ADAM22: variants seen among roughly 807,000 people sequenced by gnomAD.
The protein encoded by ADAM22 is disintegrin and metalloproteinase domain-containing protein 22.
In ADAM22, 65 loss-of-function variants were observed where a neutral mutation model predicts 144.6. That is an observed-to-expected ratio of 0.45 (90% CI 0.37 to 0.55). ADAM22 has a LOEUF of 0.55. ADAM22 is among the 20% of genes least tolerant of loss of function. The pLI is 0.00. For missense variants in ADAM22, 974 were observed against 1,184.9 expected (o/e 0.82, Z 2.61); for synonymous variants, 391 against 412.6 (o/e 0.95, Z 0.63).
At chr7:87,960,930 C>A (rs1584631750) in intron 2 of ADAM22, among the ~76,000 whole-genome samples, 1 of 152,094 alleles carries the variant, frequency 6.6e-6, no homozygotes. Flanking sequence ...CTTTGGGATA[C>A]ATCAGTGAAT....
intron 30 of ADAM22, 61 bp downstream of exon 30, chr7:88,186,762 A>C: frequency 5.8e-6 from 6 of 1,034,600 alleles, no homozygotes; most frequent in Non-Finnish European, 9.0e-6. Context: ...CAAATACTGT[A>C]GTGTGACTGG....
chr7:88,044,794 C>T lies in ADAM22; in HGVS notation c.324-30832C>T, dbSNP rs546890064. Among the ~76,000 whole-genome samples the T allele has an allele frequency of 2.6e-4, 40 of 151,704 alleles. No individual in the cohort carries two copies. The South Asian group carries it at 5.0e-3, about 19-fold the overall frequency. On this transcript the variant is annotated intron_variant, in intron 3 of 31. Transcript: ENST00000413139. ...AGGCTGGAGTGCAGTGGCGCGATCT[C>T]GGCTCACTGCAACCTCTGCCTCCTG...
Position 87,935,113 on chromosome 7 carries a change from G to A in ADAM22, c.173G>A (p.Arg58His), listed in dbSNP as rs1840903947. The change falls in exon 2 of 32, where the codon CGC (arginine) becomes CAC (histidine). Residue 58 changes from arginine to histidine, a missense_variant. Arg to His is a conservative substitution (Grantham distance 29). Coordinates refer to ENST00000413139, the MANE Select transcript of ADAM22 (RefSeq NM_001324418.2). ...QSIVPLRLIY[R>H]SGGEDESRHD... Reference sequence around the variant, plus strand: ...ATCGTGCCACTGCGCCTCATCTACCGCTCGGGCGGCGAAGACGAAAGTCGG... The same window carrying A: ...ATCGTGCCACTGCGCCTCATCTACCACTCGGGCGGCGAAGACGAAAGTCGG... 4 of 1,613,670 alleles carry A rather than the reference G, an allele frequency of 2.5e-6. No homozygotes were observed. The highest frequency in any genetic ancestry group is 2.5e-6 in the Non-Finnish European group (3 of 1,179,954).
chr7:87,934,335 G>A lies in ADAM22; in HGVS notation c.-131G>A, dbSNP rs945895065. ...CGGTGGAGGTTGCAGCGCCACGGCC[G>A]CCGCAGCACCGGCCGGGGCTGGGTG... On this transcript the variant is annotated 5_prime_UTR_variant, in exon 1 of 32. Coordinates refer to ENST00000413139, the MANE Select transcript of ADAM22 (RefSeq NM_001324418.2). 3.3e-5 allele frequency: 25 copies of A among 762,896 alleles called. No individual in the cohort carries two copies. The highest frequency in any genetic ancestry group is 4.8e-5 in the Non-Finnish European group (24 of 504,036). 47.3% of individuals were successfully genotyped at this position (762,896 alleles called of 1,614,324 possible). A position where few individuals can be genotyped will look rare whatever the true frequency, so the allele number is the denominator to read the frequency against.
At chr7:87,996,322 T>A (rs888139975) in intron 3 of ADAM22, among the ~76,000 whole-genome samples, 1 of 152,204 alleles carries the variant, frequency 6.6e-6, no homozygotes, top group Non-Finnish European at 1.5e-5. Flanking sequence ...TCCTTACAGA[T>A]CCAAAGGCTG....
intron 6 of ADAM22, 117 bp downstream of exon 6, chr7:88,114,764 T>A: frequency 1.1e-6 from 1 of 883,640 alleles, no homozygotes; most frequent in Non-Finnish European, 1.7e-6. Context: ...GTTAAGATAG[T>A]AAACATATGT....
chr7:88,027,873 C>A (rs1156742573), intron 3 of ADAM22, among the ~76,000 whole-genome samples: 1 of 151,868 alleles, frequency 6.6e-6, no homozygotes, highest in Non-Finnish European at 1.5e-5. Flanking sequence ...CTCACTGCAA[C>A]CCTACCTCCC....
In ADAM22 at chr7:88,121,838, C is replaced by T. The variant is rs191674438; in HGVS notation, c.608-3751C>T. 2.0e-3 allele frequency among the ~76,000 whole-genome samples: 307 copies of T among 152,270 alleles called. 2 individuals carry two copies. Among genetic ancestry groups the T allele is most frequent in the Middle Eastern group, 0.017 (5 of 294 alleles). On this transcript the variant is annotated intron_variant, in intron 7 of 31. Coordinates refer to ENST00000413139, the MANE Select transcript of ADAM22 (RefSeq NM_001324418.2). ...ATTAGAAATGAGTCACAGAGTCCAG[C>T]CTTCTCTCAAGGGAATGAGATTATA...
rs146984976 is a variant in ADAM22, at chr7:87,940,700, G to A, written c.246+5514G>A. ...TCAAAGTAATTATATTTGACTGTGG[G>A]TAGCCTTGCTATCTTCAAAGTTGTT... On this transcript the variant is annotated intron_variant, in intron 2 of 31. Transcript: ENST00000413139. 8.2e-3 allele frequency among the ~76,000 whole-genome samples: 1,241 copies of A among 152,262 alleles called. 11 individuals are homozygous for A. Among genetic ancestry groups the A allele is most frequent in the Middle Eastern group, 0.051 (15 of 294 alleles).
intron 3 of ADAM22, among the ~76,000 whole-genome samples, chr7:88,041,999 A>G (rs549339174): frequency 7.2e-5 from 11 of 152,168 alleles, no homozygotes; most frequent in East Asian, 1.9e-4. Context: ...ACCTGTTTCT[A>G]TGTAAATATA....
chr7:87,986,434 T>C (rs1255191458), intron 3 of ADAM22, among the ~76,000 whole-genome samples: 2 of 152,094 alleles, frequency 1.3e-5, no homozygotes, highest in Non-Finnish European at 2.9e-5. Context: ...GGCAAAGAGC[T>C]AGAGAATGAT....
chr7:88,128,717 G>A (rs753133590), intron 9 of ADAM22, 41 bp downstream of exon 9: 8 of 1,529,962 alleles, frequency 5.2e-6, no homozygotes. Context: ...TGTGCCTAGG[G>A]TAAAACTGGT....
chr7:88,118,352 A>G (rs1202695650), intron 7 of ADAM22, among the ~76,000 whole-genome samples: 1 of 152,186 alleles, frequency 6.6e-6, no homozygotes, highest in Non-Finnish European at 1.5e-5. Flanking sequence ...TCCTGCTGCC[A>G]GAGGGATAGA....
At chr7:88,015,348 C>T (rs1796328796) in intron 3 of ADAM22, among the ~76,000 whole-genome samples, 1 of 152,142 alleles carries the variant, frequency 6.6e-6, no homozygotes, top group Non-Finnish European at 1.5e-5. Flanking sequence ...ATAATTACCC[C>T]ACTTCATGCC....
At chr7:88,020,086 A>G (rs1458375149) in intron 3 of ADAM22, among the ~76,000 whole-genome samples, 1 of 152,156 alleles carries the variant, frequency 6.6e-6, no homozygotes, top group African/African-American at 2.4e-5. Flanking sequence ...AATAGCAATG[A>G]TTAAACAGAA....
At chr7:88,157,191 CAA>C (rs1284514299) in intron 22 of ADAM22, among the ~76,000 whole-genome samples, 3 of 151,954 alleles carry the variant, frequency 2.0e-5, no homozygotes, top group Non-Finnish European at 4.4e-5. Context: ...ATGAGTAACT[CAA>C]GAGAATTGTC....
chr7:88,015,726 C>G (rs995288245), intron 3 of ADAM22, among the ~76,000 whole-genome samples: 5 of 152,126 alleles, frequency 3.3e-5, no homozygotes, highest in African/African-American at 1.2e-4. Flanking sequence ...TATGTTCCAA[C>G]AAATGATGAA....
At chr7:87,961,946 A>T (rs191376266) in intron 2 of ADAM22, among the ~76,000 whole-genome samples, 16 of 152,332 alleles carry the variant, frequency 1.1e-4, no homozygotes, top group African/African-American at 3.8e-4. Flanking sequence ...TGAGGGAATG[A>T]ATCATATAAC....
intron 2 of ADAM22, among the ~76,000 whole-genome samples, chr7:87,936,922 C>G (rs1311148355): frequency 6.6e-6 from 1 of 151,264 alleles, no homozygotes; most frequent in Non-Finnish European, 1.5e-5. Flanking sequence ...TTGTCTGGAC[C>G]AGGACCCAGA....
Sources: gnomAD v4.1 joint callset for allele counts (sites outside exome capture counted in the v4.1 genomes callset) on GRCh38, gnomAD v4.1.1 for gene constraint, MANE v1.5 for transcripts, NCBI Gene and HGNC (gene_info 2026-07-23, HGNC 2026-07-21) for gene names.